The following CFTR variants were observed in gnomAD, a reference collection of about 807,000 sequenced individuals.
The protein encoded by CFTR is cystic fibrosis transmembrane conductance regulator.
In CFTR, 181 loss-of-function variants were observed where a neutral mutation model predicts 171.6. The ratio of observed to expected loss-of-function variants is 1.05; its 90% CI spans 0.93 to 1.19. The LOEUF is 1.19. CFTR is among the 50% of genes most tolerant of loss of function. The probability of loss-of-function intolerance (pLI) is 0.00; values close to 1 mark genes in which losing one functional copy is unlikely to be tolerated. For synonymous variants in CFTR, 583 were observed against 608.0 expected, an observed-to-expected ratio of 0.96 and a Z score of 0.60; for missense variants, 1,968 against 1,734.7, an observed-to-expected ratio of 1.13 and a Z score of -2.39.
At chr7:117,655,811 G>C (rs530407572) in intron 24 of CFTR, among the ~76,000 whole-genome samples, 1 of 152,254 alleles carries the variant, frequency 6.6e-6, no homozygotes, top group Non-Finnish European at 1.5e-5. Context: ...TCTGGTGCCA[G>C]CAGATTTTGT....
chr7:117,538,253 C>T (rs927178133), intron 7 of CFTR, among the ~76,000 whole-genome samples: 3 of 152,126 alleles, frequency 2.0e-5, no homozygotes, highest in African/African-American at 7.2e-5. Context: ...ATTACTTCAG[C>T]CTGGGCCACT....
chr7:117,649,278 A>G (rs214165), intron 23 of CFTR, among the ~76,000 whole-genome samples: 59,351 of 137,408 alleles, frequency 0.43, 13,573 homozygotes, highest in African/African-American at 0.7. Flanking sequence ...TATACATGGG[A>G]TGTGTGTGTG....
chr7:117,522,753 C>T (rs937469394), intron 3 of CFTR, among the ~76,000 whole-genome samples: 1 of 152,022 alleles, frequency 6.6e-6, no homozygotes, highest in Non-Finnish European at 1.5e-5. Flanking sequence ...CTATGTTTCT[C>T]CCAGTCATTC....
intron 8 of CFTR, 23 bp from the exon 9 acceptor site, chr7:117,541,993 T>C: frequency 1.7e-6 from 2 of 1,169,846 alleles, no homozygotes; most frequent in Non-Finnish European, 2.6e-6. Context: ...CTATAATATG[T>C]TTTTGCTCTC....
At chr7:117,534,793 G>A (rs1798920903) in intron 5 of CFTR, among the ~76,000 whole-genome samples, 1 of 152,082 alleles carries the variant, frequency 6.6e-6, no homozygotes, top group Admixed American at 6.6e-5. Context: ...ACCCACAGCT[G>A]GTACAAAATT....
Position 117,594,916 on chromosome 7 carries a change from A to C in CFTR, c.2491-14A>C. 1 of 1,612,118 alleles carries C rather than the reference A, an allele frequency of 6.2e-7. No homozygotes were observed. Among genetic ancestry groups the C allele is most frequent in the Non-Finnish European group, 8.5e-7 (1 of 1,178,604 alleles). ...GTACTGTCTTATTGTAATAGCCATA[A>C]TTCTTTTATTCAGGAGTGCTTTTTT... is the stretch of plus-strand genomic sequence containing the variant. On this transcript the variant is annotated splice_polypyrimidine_tract_variant and intron_variant, in intron 14 of 26. Transcript: ENST00000003084.
At chr7:117,550,036 T>A (rs1051504478) in intron 10 of CFTR, among the ~76,000 whole-genome samples, 2 of 152,142 alleles carry the variant, frequency 1.3e-5, no homozygotes, top group Non-Finnish European at 2.9e-5. Flanking sequence ...AAATTTCCAC[T>A]CAATAAATTT....
chr7:117,517,254 G>A (rs1798609664), intron 3 of CFTR, among the ~76,000 whole-genome samples: 1 of 151,054 alleles, frequency 6.6e-6, no homozygotes. Context: ...TCCCCTCCCT[G>A]TGTCCATGTG....
rs1798064259 is a variant in CFTR at position 117,485,694 on chromosome 7, C to CT, written c.53+5553dup. ...ACATTCCTACAGAGCTCTGAAAAAT[C>CT]TTTTTTCAGAGTTTTTCACAGCTGT... On this transcript the variant is annotated intron_variant, in intron 1 of 26. Transcript: ENST00000003084. Among the ~76,000 whole-genome samples, 3 of 152,032 alleles carry CT rather than the reference C, an allele frequency of 2.0e-5. 1 individual carries two copies. In the South Asian group the frequency reaches 6.2e-4, roughly 32 times the overall value.
At chr7:117,648,003 AGT>A (rs754535471) in intron 23 of CFTR, among the ~76,000 whole-genome samples, 316 of 145,706 alleles carry the variant, frequency 2.2e-3, no homozygotes, top group Non-Finnish European at 3.0e-3. Flanking sequence ...CTATACACGG[AGT>A]GTGTGTGTGT....
chr7:117,614,768 G>A lies in CFTR; in HGVS notation c.3468+55G>A, dbSNP rs1792459769. ...GAAAAAAATTCAGACAAGTAACAAA[G>A]TATGAGTAATAGCATGAGGAAGAAC... On this transcript the variant is annotated intron_variant, in intron 21 of 26. Transcript: ENST00000003084. 46 of 1,103,844 alleles carry A rather than the reference G, an allele frequency of 4.2e-5. No individual in the cohort carries two copies. The South Asian group carries it at 5.7e-4, about 14-fold the overall frequency. 68.4% of individuals were successfully genotyped at this position (1,103,844 alleles called of 1,614,324 possible).
intron 24 of CFTR, among the ~76,000 whole-genome samples, chr7:117,661,689 T>C (rs1793288715): frequency 1.3e-5 from 2 of 152,204 alleles, no homozygotes; most frequent in Non-Finnish European, 2.9e-5. Flanking sequence ...CCCATGTCCT[T>C]GGAGTTGCCC....
intron 3 of CFTR, among the ~76,000 whole-genome samples, chr7:117,520,265 G>GTTT (rs200994526): frequency 8.1e-6 from 1 of 122,946 alleles, no homozygotes; most frequent in Non-Finnish European, 1.8e-5. Context: ...TTTCTAGTGA[G>GTTT]TTTTTTTTTT....
intron 24 of CFTR, among the ~76,000 whole-genome samples, chr7:117,658,748 T>A (rs1793220101): frequency 6.6e-6 from 1 of 152,164 alleles, no homozygotes; most frequent in Non-Finnish European, 1.5e-5. Flanking sequence ...ATGCTGTCCC[T>A]GGGGAGTATC....
Position 117,614,395 on chromosome 7 carries a change from G to A in CFTR, c.3368-218G>A, listed in dbSNP as rs532896782. ...GGCAACACTTTCCTAATATTCAATC[G>A]CTCTTTGATTTAAAATCCTGGTTGA... On this transcript the variant is annotated intron_variant, in intron 20 of 26. Transcript: ENST00000003084. Among the ~76,000 whole-genome samples the A allele has an allele frequency of 3.3e-5, 5 of 152,052 alleles. No individual in the cohort carries two copies. The East Asian group carries it at 5.8e-4, about 18-fold the overall frequency.
At position 117,530,527 on chromosome 7, in the gene CFTR, C is replaced by G. The variant is rs867597747; in HGVS notation, c.274-372C>G. Reference sequence around the variant, plus strand: ...CTATAGTAAACAAAAAAAAAGCCTACTCTGATACTGAAAGTTGTTATGAAA... The same window carrying G: ...CTATAGTAAACAAAAAAAAAGCCTAGTCTGATACTGAAAGTTGTTATGAAA... On this transcript the variant is annotated intron_variant, in intron 3 of 26. Coordinates refer to ENST00000003084, the MANE Select transcript of CFTR (RefSeq NM_000492.4). Among the ~76,000 whole-genome samples, 34 of 152,030 alleles carry G rather than the reference C, an allele frequency of 2.2e-4. 1 individual carries two copies. The highest frequency in any genetic ancestry group is 6.5e-4 in the African/African-American group (27 of 41,388).
intron 3 of CFTR, among the ~76,000 whole-genome samples, chr7:117,520,658 T>A (rs997827913): frequency 1.3e-5 from 2 of 152,000 alleles, no homozygotes; most frequent in African/African-American, 4.8e-5. Flanking sequence ...TGTCACATAT[T>A]ATTATGGCTT....
chr7:117,504,319 C>T lies in CFTR; in HGVS notation c.120C>T (p.Ile40=), dbSNP rs376538363. The stretch of plus-strand genomic sequence containing the variant: ...TGGAATTGTCAGACATATACCAAAT[C>T]CCTTCTGTTGATTCTGCTGACAATC... ...QRLELSDIYQ[I]PSVDSADNLS... Residue 40 remains isoleucine, a synonymous_variant, in exon 2 of 27, where the codon ATC becomes ATT. Transcript: ENST00000003084. The T allele has an allele frequency of 6.2e-7, 1 of 1,611,448 alleles. No homozygotes were observed. The highest frequency in any genetic ancestry group is 8.5e-7 in the Non-Finnish European group (1 of 1,177,720).
chr7:117,659,830 GCAAA>G (rs1793239964), intron 24 of CFTR, among the ~76,000 whole-genome samples: 1 of 152,158 alleles, frequency 6.6e-6, no homozygotes, highest in Non-Finnish European at 1.5e-5. Flanking sequence ...CTACAGAGTA[GCAAA>G]CAGAGTATCA....
Sources: allele counts gnomAD v4.1 joint callset (sites outside exome capture counted in the v4.1 genomes callset), GRCh38; gene constraint gnomAD v4.1.1; transcripts MANE v1.5; gene names NCBI Gene and HGNC (gene_info 2026-07-23, HGNC 2026-07-21).